The following PTPRD variants were observed in gnomAD, a reference collection of about 807,000 sequenced individuals.
PTPRD encodes the protein protein tyrosine phosphatase receptor type D.
PTPRD carries 34 observed loss-of-function variants against 214.5 expected under a neutral mutation model. That is an observed-to-expected ratio of 0.16 (90% CI 0.12 to 0.21). The LOEUF (loss-of-function observed/expected upper bound fraction) is 0.21. Among genes scored for constraint, PTPRD ranks in the 10% least tolerant of loss-of-function variants. The pLI, the probability that PTPRD is intolerant of heterozygous loss-of-function variation, is 1.00. For missense variants in PTPRD, 2,545 were observed against 2,398.7 expected, an observed-to-expected ratio of 1.06 and a Z score of -1.27; for synonymous variants, 1,128 against 845.7, an observed-to-expected ratio of 1.33 and a Z score of -5.79.
intron 3 of PTPRD, among the ~76,000 whole-genome samples, chr9:10,171,025 G>C (rs189238931): frequency 6.6e-6 from 1 of 152,248 alleles, no homozygotes; most frequent in East Asian, 1.9e-4. Context: ...TTTGGTGCTT[G>C]GCACATATTA....
At chr9:9,448,410 T>A (rs986048328) in intron 8 of PTPRD, among the ~76,000 whole-genome samples, 1 of 151,994 alleles carries the variant, frequency 6.6e-6, no homozygotes, top group Non-Finnish European at 1.5e-5. Flanking sequence ...TGAGATCTGA[T>A]GGTTTCCTAA....
At chr9:8,656,258 C>G (rs536507583) in intron 12 of PTPRD, among the ~76,000 whole-genome samples, 1 of 152,226 alleles carries the variant, frequency 6.6e-6, no homozygotes, top group Admixed American at 6.5e-5. Context: ...TTTTAGCATA[C>G]TAAAATTTTA....
chr9:8,797,921 G>A (rs1469083694), intron 11 of PTPRD, among the ~76,000 whole-genome samples: 1 of 151,042 alleles, frequency 6.6e-6, no homozygotes, highest in Non-Finnish European at 1.5e-5. Context: ...CGAAGCTGGA[G>A]TGCAGTGGCA....
intron 8 of PTPRD, among the ~76,000 whole-genome samples, chr9:9,556,292 A>G (rs2081492476): frequency 6.6e-6 from 1 of 152,176 alleles, no homozygotes; most frequent in Non-Finnish European, 1.5e-5. Flanking sequence ...CACACTGAGT[A>G]AGTTGAAGAA....
intron 7 of PTPRD, among the ~76,000 whole-genome samples, chr9:9,682,294 T>C (rs575438557): frequency 1.8e-4 from 27 of 151,908 alleles, no homozygotes; most frequent in Admixed American, 8.6e-4. Context: ...TATAGTTATA[T>C]TGGATCCTCT....
At chr9:9,175,450 G>A (rs947138315) in intron 10 of PTPRD, among the ~76,000 whole-genome samples, 51 of 151,602 alleles carry the variant, frequency 3.4e-4, no homozygotes, top group African/African-American at 1.2e-3. Context: ...GTAAAACCCC[G>A]TCTCTACTAA....
At chr9:8,914,527 G>T (rs146788350) in intron 11 of PTPRD, among the ~76,000 whole-genome samples, 14 of 152,070 alleles carry the variant, frequency 9.2e-5, no homozygotes, top group Non-Finnish European at 1.9e-4. Flanking sequence ...AGAGTGATAG[G>T]GGTCGAGATA....
chr9:8,550,361 T>A lies in PTPRD; in HGVS notation c.353-21582A>T, dbSNP rs926378400. 5.9e-5 allele frequency among the ~76,000 whole-genome samples: 9 copies of A among 152,282 alleles called. 1 individual carries two copies. In the East Asian group the frequency reaches 1.7e-3, roughly 29 times the overall value. On this transcript the variant is annotated intron_variant, in intron 14 of 45. Transcript: ENST00000381196. ...AAAAGTAGATTTGTCATATAGTAAATACTTTAAAAATTTACTATTACCACT... is the reference window on the plus strand; with the variant it reads ...AAAAGTAGATTTGTCATATAGTAAAAACTTTAAAAATTTACTATTACCACT...
At chr9:8,500,729 A>G (rs1407988672) in intron 24 of PTPRD, 25 bp downstream of exon 24, 1 of 1,610,494 alleles carries the variant, frequency 6.2e-7, no homozygotes, top group Admixed American at 1.7e-5. Flanking sequence ...GAAGGGTGCA[A>G]ACTGACGTAG....
chr9:9,493,291 A>T (rs2096004852), intron 8 of PTPRD, among the ~76,000 whole-genome samples: 1 of 152,104 alleles, frequency 6.6e-6, no homozygotes, highest in South Asian at 2.1e-4. Context: ...CCAAATTTTT[A>T]AAGCCCATTG....
chr9:8,365,059 C>T (rs192211362), intron 39 of PTPRD, among the ~76,000 whole-genome samples: 13 of 152,122 alleles, frequency 8.5e-5, no homozygotes, highest in East Asian at 3.9e-4. Context: ...AGTCTGAAGA[C>T]TTGAGTCCAG....
At chr9:9,336,604 C>A (rs1017599958) in intron 9 of PTPRD, among the ~76,000 whole-genome samples, 1 of 152,012 alleles carries the variant, frequency 6.6e-6, no homozygotes, top group African/African-American at 2.4e-5. Flanking sequence ...AATATGTGTT[C>A]TGGGATGAGG....
intron 3 of PTPRD, among the ~76,000 whole-genome samples, chr9:10,113,735 C>T (rs997223868): frequency 4.6e-5 from 7 of 152,144 alleles, no homozygotes; most frequent in African/African-American, 1.7e-4. Flanking sequence ...CAATGCTTCG[C>T]CACTTTAATG....
At chr9:9,230,064 T>C (rs894255245) in intron 9 of PTPRD, among the ~76,000 whole-genome samples, 5 of 152,140 alleles carry the variant, frequency 3.3e-5, no homozygotes, top group Admixed American at 1.3e-4. Context: ...CAATATGGTA[T>C]AATAAACAGT....
At chr9:10,239,182 C>A (rs2099638689) in intron 3 of PTPRD, among the ~76,000 whole-genome samples, 1 of 151,936 alleles carries the variant, frequency 6.6e-6, no homozygotes, top group South Asian at 2.1e-4. Context: ...CTTAGAGAGA[C>A]TTTCCTTTAA....
chr9:10,227,464 C>T (rs10809037), intron 3 of PTPRD, among the ~76,000 whole-genome samples: 57,498 of 151,574 alleles, frequency 0.38, 12,856 homozygotes, highest in Non-Finnish European at 0.49. Context: ...ATTACTCTTT[C>T]GCGTGAAAAC....
intron 2 of PTPRD, among the ~76,000 whole-genome samples, chr9:10,506,597 C>G (rs1166620180): frequency 6.6e-6 from 1 of 151,958 alleles, no homozygotes; most frequent in Admixed American, 6.6e-5. Context: ...AATATACACA[C>G]CTACTATGTA....
chr9:8,796,515 T>C (rs890481030), intron 11 of PTPRD, among the ~76,000 whole-genome samples: 1 of 152,146 alleles, frequency 6.6e-6, no homozygotes, highest in Non-Finnish European at 1.5e-5. Flanking sequence ...GACTATCAAG[T>C]AGAAATATGG....
chr9:8,806,334 T>G (rs532232518), intron 11 of PTPRD, among the ~76,000 whole-genome samples: 1 of 152,136 alleles, frequency 6.6e-6, no homozygotes, highest in South Asian at 2.1e-4. Flanking sequence ...TCCAAAGAGT[T>G]ATAAAATGCT....
Sources: allele counts gnomAD v4.1 joint callset (sites outside exome capture counted in the v4.1 genomes callset), GRCh38; gene constraint gnomAD v4.1.1; transcripts MANE v1.5; gene names NCBI Gene and HGNC (gene_info 2026-07-23, HGNC 2026-07-21).